Variants in SPOCK3 observed in about 807,000 individuals in gnomAD.
SPOCK3 encodes the protein SPARC (osteonectin), cwcv and kazal like domains proteoglycan 3.
SPOCK3 carries 30 observed loss-of-function variants against 56.6 expected under a neutral mutation model. The ratio of observed to expected loss-of-function variants is 0.53; its 90% confidence interval spans 0.40 to 0.72. SPOCK3 has a LOEUF of 0.72. Among genes scored for constraint, SPOCK3 ranks in the 30% least tolerant of loss-of-function variants. The pLI is 0.00. For synonymous variants in SPOCK3, 196 were observed against 183.3 expected (o/e 1.07, Z -0.56); for missense variants, 527 against 530.0 (o/e 0.99, Z 0.06).
intron 2 of SPOCK3, among the ~76,000 whole-genome samples, chr4:167,099,155 TTA>T (rs1580285029): frequency 6.6e-6 from 1 of 151,982 alleles, no homozygotes; most frequent in East Asian, 1.9e-4. Flanking sequence ...TTCATTTGTA[TTA>T]TACTTTTTAT....
chr4:166,734,753 A>C lies in SPOCK3; in HGVS notation c.*168T>G, dbSNP rs1734048863. Reference sequence around the variant, plus strand: ...TAAAAACTCAAAGCAAATGATTCTTATTTAAACATAAAGTTCTATAACTTT... The same window carrying C: ...TAAAAACTCAAAGCAAATGATTCTTCTTTAAACATAAAGTTCTATAACTTT... On this transcript the variant is annotated 3_prime_UTR_variant, in exon 11 of 11. Coordinates refer to ENST00000357545, the MANE Select transcript of SPOCK3 (RefSeq NM_001040159.2). 1 of 574,038 alleles carries C rather than the reference A, an allele frequency of 1.7e-6. No homozygotes were observed. The highest frequency in any genetic ancestry group is 2.9e-6 in the Non-Finnish European group (1 of 344,706). The allele number at this position is 574,038 out of a possible 1,614,324, so 35.6% of individuals were successfully genotyped here. A position where few individuals can be genotyped will look rare whatever the true frequency, so the allele number is the denominator to read the frequency against.
intron 6 of SPOCK3, among the ~76,000 whole-genome samples, chr4:166,838,527 T>C (rs1356388316): frequency 1.3e-5 from 2 of 151,800 alleles, no homozygotes; most frequent in South Asian, 2.1e-4. Context: ...AGAATTTCCG[T>C]TGGTTATTTT....
At chr4:166,958,024 A>G (rs1743688630) in intron 4 of SPOCK3, among the ~76,000 whole-genome samples, 1 of 152,110 alleles carries the variant, frequency 6.6e-6, no homozygotes, top group African/African-American at 2.4e-5. Context: ...AGGCAGAATG[A>G]TATAGTTTGG....
chr4:166,801,628 A>G (rs1742606377), intron 6 of SPOCK3, among the ~76,000 whole-genome samples: 1 of 152,150 alleles, frequency 6.6e-6, no homozygotes, highest in African/African-American at 2.4e-5. Flanking sequence ...GACTCTCAAT[A>G]CATATAGACA....
intron 6 of SPOCK3, among the ~76,000 whole-genome samples, chr4:166,796,933 T>C (rs1742003413): frequency 6.6e-6 from 1 of 152,152 alleles, no homozygotes; most frequent in South Asian, 2.1e-4. Flanking sequence ...ATATGTCCAT[T>C]ACACAAAGAA....
Position 166,754,625 on chromosome 4 carries a change from T to C in SPOCK3, c.814A>G (p.Ser272Gly). 6.2e-7 allele frequency: 1 copy of C among 1,613,774 alleles called. No homozygotes were observed. The highest frequency in any genetic ancestry group is 8.5e-7 in the Non-Finnish European group (1 of 1,179,780). ...TGTTCATTCTTATCAAGGTAAATGC[T>C]TCTGAGCTCTGACTGGTCCAATAGC... Reference protein sequence around the residue: ...DLLLDQSELRSIYLDKNEQCT... With the variant: ...DLLLDQSELRGIYLDKNEQCT... Residue 272 changes from serine (S) to glycine (G), a missense_variant, in exon 8 of 11, where the codon AGC (serine) becomes GGC (glycine). Ser to Gly is a moderately conservative substitution (Grantham distance 56, BLOSUM62 0). Coordinates refer to ENST00000357545, the MANE Select transcript of SPOCK3 (RefSeq NM_001040159.2).
chr4:167,085,469 G>C (rs1758108367), intron 2 of SPOCK3, among the ~76,000 whole-genome samples: 3 of 152,028 alleles, frequency 2.0e-5, no homozygotes, highest in Admixed American at 1.3e-4. Flanking sequence ...TCATGAATTT[G>C]GTGACTTTGG....
chr4:167,037,915 C>T (rs1752905828), intron 3 of SPOCK3, among the ~76,000 whole-genome samples: 1 of 152,004 alleles, frequency 6.6e-6, no homozygotes, highest in African/African-American at 2.4e-5. Flanking sequence ...GTTGTTGTTA[C>T]TTTTGTTTTT....
chr4:166,851,227 G>C (rs372920887), intron 6 of SPOCK3, among the ~76,000 whole-genome samples: 2 of 152,048 alleles, frequency 1.3e-5, no homozygotes, highest in Non-Finnish European at 2.9e-5. Context: ...TCACACGGCC[G>C]GGTACTCCAA....
chr4:167,204,425 G>A (rs1415655070), intron 2 of SPOCK3, among the ~76,000 whole-genome samples: 1 of 152,116 alleles, frequency 6.6e-6, no homozygotes, highest in African/African-American at 2.4e-5. Flanking sequence ...AAGCATGGCG[G>A]AAGGCACCTT....
At chr4:166,884,319 G>C (rs1243840631) in intron 6 of SPOCK3, among the ~76,000 whole-genome samples, 2 of 151,208 alleles carry the variant, frequency 1.3e-5, no homozygotes, top group Non-Finnish European at 2.9e-5. Flanking sequence ...CGCCACTGCA[G>C]TTGGCCTGGA....
At chr4:166,984,507 G>A (rs1746924773) in intron 4 of SPOCK3, among the ~76,000 whole-genome samples, 1 of 152,066 alleles carries the variant, frequency 6.6e-6, no homozygotes, top group African/African-American at 2.4e-5. Flanking sequence ...AATACTGGGA[G>A]TTGTATTGTT....
chr4:166,979,126 C>T (rs1746300831), intron 4 of SPOCK3, among the ~76,000 whole-genome samples: 1 of 152,162 alleles, frequency 6.6e-6, no homozygotes, highest in Admixed American at 6.5e-5. Context: ...AAATCCCTTT[C>T]ACAATTTAAG....
intron 7 of SPOCK3, among the ~76,000 whole-genome samples, chr4:166,773,320 T>C (rs914568314): frequency 6.6e-6 from 1 of 152,196 alleles, no homozygotes; most frequent in African/African-American, 2.4e-5. Flanking sequence ...AAAAGTCAAG[T>C]AATTATCATA....
intron 4 of SPOCK3, among the ~76,000 whole-genome samples, chr4:166,938,554 A>G (rs983709224): frequency 2.0e-5 from 3 of 152,170 alleles, no homozygotes; most frequent in African/African-American, 7.2e-5. Flanking sequence ...TCATGATAAA[A>G]ATGTGAAGCC....
At chr4:166,774,327 G>A (rs1424768315) in intron 7 of SPOCK3, among the ~76,000 whole-genome samples, 1 of 152,130 alleles carries the variant, frequency 6.6e-6, no homozygotes, top group Admixed American at 6.5e-5. Context: ...TGCTGTATGG[G>A]CCTATCAGGT....
At chr4:167,120,038 A>T (rs1761738610) in intron 2 of SPOCK3, among the ~76,000 whole-genome samples, 1 of 152,132 alleles carries the variant, frequency 6.6e-6, no homozygotes, top group Non-Finnish European at 1.5e-5. Flanking sequence ...TACATGGTAG[A>T]TTTTATGTTT....
chr4:167,096,437 T>A (rs1759160915), intron 2 of SPOCK3, among the ~76,000 whole-genome samples: 1 of 151,810 alleles, frequency 6.6e-6, no homozygotes, highest in Non-Finnish European at 1.5e-5. Flanking sequence ...ATCCTACAAA[T>A]TTGGGTAAGT....
At chr4:166,810,133 C>T (rs1312542686) in intron 6 of SPOCK3, among the ~76,000 whole-genome samples, 1 of 152,048 alleles carries the variant, frequency 6.6e-6, no homozygotes, top group African/African-American at 2.4e-5. Flanking sequence ...AACCCTTCCC[C>T]AAATCATTTA....
Sources: allele counts gnomAD v4.1 joint callset (sites outside exome capture counted in the v4.1 genomes callset), GRCh38; gene constraint gnomAD v4.1.1; transcripts MANE v1.5; gene names NCBI Gene and HGNC (gene_info 2026-07-23, HGNC 2026-07-21).